ZNF680: variants seen among roughly 807,000 people sequenced by gnomAD.
ZNF680 encodes the protein zinc finger protein 680, also known as hypothetical protein FLJ90430.
A neutral mutation model predicts 12.1 loss-of-function variants in ZNF680; 6 were observed. That is an observed-to-expected ratio of 0.49 (90% CI 0.27 to 0.98). ZNF680 has a LOEUF of 0.98. Among genes scored for constraint, ZNF680 ranks in the 50% least tolerant of loss-of-function variants. The probability of loss-of-function intolerance (pLI) is 0.12; values close to 1 mark genes in which losing one functional copy is unlikely to be tolerated. For missense variants in ZNF680, 561 were observed against 616.3 expected (o/e 0.91, Z 0.95); for synonymous variants, 170 against 199.3 (o/e 0.85, Z 1.24).
chr7:64,521,652 G>GTAAGAAAAT lies in ZNF680; in HGVS notation c.1101_1102insATTTTCTTA (p.Arg367_His368insIlePheLeu). ...TTCTCTCCAGTATGAATTTTCTTAT[G>GTAAGAAAAT]TCTAGTAAGGTTTGCAAACTGGTTA... On this transcript the variant is annotated inframe_insertion, in exon 4 of 4. Transcript: ENST00000309683. The GTAAGAAAAT allele has an allele frequency of 6.2e-7, 1 of 1,612,300 alleles. No homozygotes were observed.
At chr7:64,517,764 T>C (rs533888861), downstream of ZNF680, among the ~76,000 whole-genome samples, 31 of 152,064 alleles carry the variant, frequency 2.0e-4, no homozygotes, top group South Asian at 6.4e-3. Context: ...GGGTTTTGTA[T>C]CAGGGATGCA....
intron 3 of ZNF680, among the ~76,000 whole-genome samples, chr7:64,539,506 CAG>C (rs1017308522): frequency 4.6e-5 from 7 of 151,514 alleles, no homozygotes; most frequent in African/African-American, 9.7e-5. Flanking sequence ...CTCATAAAAA[CAG>C]AAAGTGGAAG....
At chr7:64,544,900 G>A (rs1382850300) in intron 1 of ZNF680, among the ~76,000 whole-genome samples, 1 of 152,130 alleles carries the variant, frequency 6.6e-6, no homozygotes, top group Non-Finnish European at 1.5e-5. Flanking sequence ...TTTCTAACAA[G>A]CTCACCAGTA....
chr7:64,521,371 G>T lies in ZNF680; in HGVS notation c.1383C>A (p.Ser461=). Residue 461 remains serine, a synonymous_variant, in exon 4 of 4, where the codon TCC becomes TCA. Transcript: ENST00000309683. ...CATTGCCACATTCATCACATTTGTA[G>T]GATTTCTCTCCAGTATGAATTACTT... ...NHKVIHTGEK[S]YKCDECGNVF... 6.2e-7 allele frequency: 1 copy of T among 1,613,476 alleles called. No individual in the cohort carries two copies. Among genetic ancestry groups the T allele is most frequent in the Non-Finnish European group, 8.5e-7 (1 of 1,179,656 alleles).
intron 3 of ZNF680, among the ~76,000 whole-genome samples, chr7:64,524,269 TC>T (rs1791712953): frequency 6.6e-6 from 1 of 151,322 alleles, no homozygotes. Context: ...TGCCTCAGCC[TC>T]CCTAGTAGCT....
chr7:64,530,624 G>A (rs1164030386), intron 3 of ZNF680, among the ~76,000 whole-genome samples: 1 of 152,076 alleles, frequency 6.6e-6, no homozygotes, highest in Non-Finnish European at 1.5e-5. Context: ...ACTTTGGGAG[G>A]CTGAGGCAGG....
At chr7:64,503,946 CAT>C in the ZNF680 span, among the ~76,000 whole-genome samples, 3 of 152,150 alleles carry the variant, frequency 2.0e-5, no homozygotes, top group Admixed American at 6.6e-5. Flanking sequence ...AAAAAGCTAA[CAT>C]ATTTTAAACA....
the ZNF680 span, among the ~76,000 whole-genome samples, chr7:64,502,602 T>G: frequency 6.6e-6 from 1 of 152,190 alleles, no homozygotes; most frequent in Non-Finnish European, 1.5e-5. Flanking sequence ...CTTTTTAAGG[T>G]TGATACTGTG....
intron 1 of ZNF680, chr7:64,561,189 A>T: frequency 6.4e-6 from 1 of 155,158 alleles, no homozygotes; most frequent in Non-Finnish European, 1.4e-5. Context: ...AGCCTTTCCA[A>T]GGAAGAGTGC....
chr7:64,559,068 G>A (rs1440702685), intron 1 of ZNF680, among the ~76,000 whole-genome samples: 1 of 151,352 alleles, frequency 6.6e-6, no homozygotes, highest in Non-Finnish European at 1.5e-5. Flanking sequence ...GAAAGGGGTC[G>A]GAGAAGTCAA....
Position 64,520,927 on chromosome 7 carries a change from G to A in ZNF680, c.*234C>T, listed in dbSNP as rs1791494298. 3 of 421,030 alleles carry A rather than the reference G, an allele frequency of 7.1e-6. No homozygotes were observed. The highest frequency in any genetic ancestry group is 8.3e-6 in the Non-Finnish European group (2 of 240,600). The allele number at this position is 421,030 out of a possible 1,614,324, so 26.1% of individuals were successfully genotyped here. ...GAGTAAGATGTGAAAAGATATCAAT[G>A]ACTTTTTCACATTCTTTATACTTGT... On this transcript the variant is annotated 3_prime_UTR_variant, in exon 4 of 4. Transcript: ENST00000309683.
the ZNF680 span, among the ~76,000 whole-genome samples, chr7:64,509,446 C>T: frequency 6.6e-6 from 1 of 152,230 alleles, no homozygotes. Flanking sequence ...TCAATTTTTA[C>T]ACTTTTAAGG....
At chr7:64,523,102 C>T (rs1791631397) in intron 3 of ZNF680, among the ~76,000 whole-genome samples, 1 of 151,922 alleles carries the variant, frequency 6.6e-6, no homozygotes, top group African/African-American at 2.4e-5. Flanking sequence ...AAAAGATATG[C>T]ACATACAAAT....
chr7:64,512,808 CTA>C, the ZNF680 span, among the ~76,000 whole-genome samples: 1 of 151,678 alleles, frequency 6.6e-6, no homozygotes, highest in Admixed American at 6.6e-5. Flanking sequence ...TGTGTAATGT[CTA>C]TTTAAAAAAG....
chr7:64,540,199 A>C (rs1413285887), intron 3 of ZNF680, among the ~76,000 whole-genome samples: 1 of 152,190 alleles, frequency 6.6e-6, no homozygotes, highest in Admixed American at 6.5e-5. Context: ...TCAGCTAAGA[A>C]AGAATACCTA....
At chr7:64,554,543 G>A (rs185342808) in intron 1 of ZNF680, among the ~76,000 whole-genome samples, 105 of 152,320 alleles carry the variant, frequency 6.9e-4, no homozygotes, top group African/African-American at 2.4e-3. Flanking sequence ...GGTTTTTGTC[G>A]AATAGAAAAG....
At chr7:64,501,724 T>C in the ZNF680 span, 1 of 994,368 alleles carries the variant, frequency 1.0e-6, no homozygotes. Context: ...CAAAAATGAC[T>C]CTTAAGCACA....
intron 3 of ZNF680, among the ~76,000 whole-genome samples, chr7:64,523,823 G>A (rs1025912700): frequency 2.0e-5 from 3 of 151,790 alleles, no homozygotes; most frequent in Non-Finnish European, 2.9e-5. Flanking sequence ...TGAGGCGGGA[G>A]AATGGTGTGA....
intron 3 of ZNF680, among the ~76,000 whole-genome samples, chr7:64,529,282 C>A (rs184264813): frequency 5.3e-5 from 8 of 152,310 alleles, no homozygotes; most frequent in African/African-American, 1.9e-4. Context: ...ATCACACTAG[C>A]TAACCAGCAA....
Sources: gnomAD v4.1 joint callset for allele counts (sites outside exome capture counted in the v4.1 genomes callset) on GRCh38, gnomAD v4.1.1 for gene constraint, MANE v1.5 for transcripts, NCBI Gene and HGNC (gene_info 2026-07-23, HGNC 2026-07-21) for gene names.